TGFBR3: variants seen among roughly 807,000 people sequenced by gnomAD.
The protein encoded by TGFBR3 is transforming growth factor beta receptor 3.
Under a neutral mutation model 87.9 loss-of-function variants are expected in TGFBR3, and 46 were observed. The ratio of observed to expected loss-of-function variants is 0.52; its 90% CI spans 0.41 to 0.67. The LOEUF (loss-of-function observed/expected upper bound fraction) is 0.67, where lower values mean the gene tolerates loss of function less well. Among genes scored for constraint, TGFBR3 ranks in the 30% least tolerant of loss-of-function variants. TGFBR3 has a pLI of 0.00. For missense variants in TGFBR3, 866 were observed against 1,041.9 expected, an observed-to-expected ratio of 0.83 and a Z score of 2.32; for synonymous variants, 381 against 391.6, an observed-to-expected ratio of 0.97 and a Z score of 0.32.
At chr1:91,726,290 G>A (rs1672546779) in intron 7 of TGFBR3, among the ~76,000 whole-genome samples, 1 of 152,274 alleles carries the variant, frequency 6.6e-6, no homozygotes, top group East Asian at 1.9e-4. Flanking sequence ...GTATGTTTTT[G>A]CCTTTCAAAG....
chr1:91,713,799 A>G (rs1459706086), intron 12 of TGFBR3, among the ~76,000 whole-genome samples: 1 of 152,270 alleles, frequency 6.6e-6, no homozygotes, highest in East Asian at 1.9e-4. Flanking sequence ...AAGATATTCT[A>G]TCTTGGAAAG....
At chr1:91,850,871 G>A (rs1571572016) in intron 2 of TGFBR3, among the ~76,000 whole-genome samples, 2 of 151,654 alleles carry the variant, frequency 1.3e-5, no homozygotes, top group East Asian at 1.9e-4. Flanking sequence ...TGCTACCTGT[G>A]TATCCTCATG....
At chr1:91,826,587 G>A (rs1676647037) in intron 2 of TGFBR3, among the ~76,000 whole-genome samples, 1 of 152,126 alleles carries the variant, frequency 6.6e-6, no homozygotes, top group Admixed American at 6.5e-5. Context: ...TGCCCTTCCT[G>A]TTTGAAGGAG....
chr1:91,787,912 T>C (rs1675027916), intron 3 of TGFBR3, among the ~76,000 whole-genome samples: 1 of 147,568 alleles, frequency 6.8e-6, no homozygotes, highest in Non-Finnish European at 1.5e-5. Context: ...TACTCCAGCC[T>C]GGGCGACAGA....
intron 4 of TGFBR3, 118 bp from the exon 5 acceptor site, chr1:91,735,077 C>T (rs11165377): frequency 0.26 from 310,135 of 1,198,682 alleles, 40,797 homozygotes; most frequent in Non-Finnish European, 0.28. Flanking sequence ...CTTTGTTATA[C>T]AAGCAGATCA....
intron 14 of TGFBR3, among the ~76,000 whole-genome samples, chr1:91,699,719 A>G (rs886496407): frequency 6.6e-6 from 1 of 152,222 alleles, no homozygotes; most frequent in African/African-American, 2.4e-5. Flanking sequence ...TCGTGTGACT[A>G]GAGCCCAAGG....
chr1:91,849,788 G>C (rs1166599586), intron 2 of TGFBR3, among the ~76,000 whole-genome samples: 1 of 151,928 alleles, frequency 6.6e-6, no homozygotes, highest in Non-Finnish European at 1.5e-5. Context: ...AACTGTATTA[G>C]AAAAAAATGA....
intron 14 of TGFBR3, among the ~76,000 whole-genome samples, chr1:91,704,550 T>A (rs1370607532): frequency 6.6e-6 from 1 of 152,134 alleles, no homozygotes; most frequent in Non-Finnish European, 1.5e-5. Flanking sequence ...CTTGGCCAAG[T>A]TATCACTATA....
chr1:91,772,154 T>G (rs1439309889), intron 3 of TGFBR3, among the ~76,000 whole-genome samples: 4 of 152,208 alleles, frequency 2.6e-5, no homozygotes, highest in Non-Finnish European at 5.9e-5. Flanking sequence ...GACGATCATT[T>G]GCTTTTCAGA....
chr1:91,708,921 T>A, intron 13 of TGFBR3, 138 bp from the exon 14 acceptor site: 1 of 1,248,624 alleles, frequency 8.0e-7, no homozygotes, highest in Non-Finnish European at 1.1e-6. Flanking sequence ...AAGGTGGGTG[T>A]TTTTCAGAGA....
intron 2 of TGFBR3, among the ~76,000 whole-genome samples, chr1:91,802,211 G>A (rs541365516): frequency 1.3e-5 from 2 of 152,178 alleles, no homozygotes; most frequent in African/African-American, 4.8e-5. Context: ...CTGTTCCATC[G>A]CCGCCTTCCA....
intron 2 of TGFBR3, among the ~76,000 whole-genome samples, chr1:91,822,280 A>G (rs943098924): frequency 2.3e-5 from 3 of 132,052 alleles, no homozygotes; most frequent in Non-Finnish European, 3.1e-5. Context: ...GTAGGCTGAG[A>G]AGAGCAAAGC....
At chr1:91,866,951 T>C (rs2101221575) in intron 1 of TGFBR3, 1 of 152,332 alleles carries the variant, frequency 6.6e-6, no homozygotes. Flanking sequence ...GAGAACAGAC[T>C]GAAGGGAGGC....
chr1:91,681,328 C>T lies in TGFBR3; in HGVS notation c.*2411G>A, dbSNP rs1304851559. The T allele has an allele frequency of 2.2e-6, 1 of 444,644 alleles. No individual in the cohort carries two copies. The highest frequency in any genetic ancestry group is 4.5e-6 in the Non-Finnish European group (1 of 224,396). The allele number at this position is 444,644 out of a possible 1,614,324, so 27.5% of individuals were successfully genotyped here. A position where few individuals can be genotyped will look rare whatever the true frequency, so the allele number is the denominator to read the frequency against. On this transcript the variant is annotated 3_prime_UTR_variant, in exon 17 of 17. Coordinates refer to ENST00000212355, the MANE Select transcript of TGFBR3 (RefSeq NM_003243.5). ...CCAATATGAGATTAGGTTTTATCGA[C>T]ACAGATTTCTTGATCTGAATAATAA...
At chr1:91,832,625 C>T (rs924109585) in intron 2 of TGFBR3, among the ~76,000 whole-genome samples, 21 of 152,190 alleles carry the variant, frequency 1.4e-4, no homozygotes, top group Non-Finnish European at 3.1e-4. Flanking sequence ...CCAAACCAGA[C>T]AGCAGGGGGA....
rs892814987 is a variant in TGFBR3 at position 91,735,017 on chromosome 1, T to A, written c.385-58A>T. The A allele has an allele frequency of 3.1e-6, 5 of 1,592,414 alleles. No homozygotes were observed. In the African/African-American group the frequency reaches 5.4e-5, roughly 17 times the overall value. ...TGCAGTCACCGGAGCTGAATCATAATTAGAGAAAGTACTTCTCAAATCGAA... is the reference window on the plus strand; with the variant it reads ...TGCAGTCACCGGAGCTGAATCATAAATAGAGAAAGTACTTCTCAAATCGAA... On this transcript the variant is annotated intron_variant, in intron 4 of 16. Coordinates refer to ENST00000212355, the MANE Select transcript of TGFBR3 (RefSeq NM_003243.5).
chr1:91,733,442 T>C (rs1672844521), intron 5 of TGFBR3, among the ~76,000 whole-genome samples: 1 of 152,246 alleles, frequency 6.6e-6, no homozygotes, highest in East Asian at 1.9e-4. Context: ...AAATGGCTTC[T>C]GCACGTAGCA....
At chr1:91,840,000 TAA>T (rs1452131254) in intron 2 of TGFBR3, among the ~76,000 whole-genome samples, 1 of 151,872 alleles carries the variant, frequency 6.6e-6, no homozygotes, top group Non-Finnish European at 1.5e-5. Context: ...TATCTCAAAA[TAA>T]AAAGTTTTTA....
At chr1:91,710,334 T>C (rs891159480) in intron 13 of TGFBR3, among the ~76,000 whole-genome samples, 2 of 152,190 alleles carry the variant, frequency 1.3e-5, no homozygotes, top group Admixed American at 6.5e-5. Flanking sequence ...ACAAATTTTC[T>C]GTGGAGAGGC....
Sources: allele counts gnomAD v4.1 joint callset (sites outside exome capture counted in the v4.1 genomes callset), GRCh38; gene constraint gnomAD v4.1.1; transcripts MANE v1.5; gene names NCBI Gene and HGNC (gene_info 2026-07-23, HGNC 2026-07-21).